CNTNAP2: variants seen among roughly 807,000 people sequenced by gnomAD.
CNTNAP2 encodes the protein contactin associated protein 2.
In CNTNAP2, 98 loss-of-function variants were observed where a neutral mutation model predicts 155.2. That is an observed-to-expected ratio of 0.63 (90% CI 0.54 to 0.75). The LOEUF is 0.75. Among genes scored for constraint, CNTNAP2 ranks in the 30% least tolerant of loss-of-function variants. The pLI, the probability that CNTNAP2 is intolerant of heterozygous loss-of-function variation, is 0.00. For missense variants in CNTNAP2, 1,727 were observed against 1,688.1 expected (o/e 1.02, Z -0.40); for synonymous variants, 651 against 631.2 (o/e 1.03, Z -0.47).
At chr7:146,125,802 G>T (rs1797628197) in intron 1 of CNTNAP2, among the ~76,000 whole-genome samples, 1 of 152,012 alleles carries the variant, frequency 6.6e-6, no homozygotes. Context: ...CAAAGAAGAT[G>T]TTTAGTTTTT....
rs560779634 is a variant in CNTNAP2 at position 146,178,628 on chromosome 7, T to C, written c.97+61655T>C. On this transcript the variant is annotated intron_variant, in intron 1 of 23. Transcript: ENST00000361727. ...TCTGTGTGATTAACATTTTAAAATT[T>C]CCTATTTTTTTAATGCTAACTTTTG... Among the ~76,000 whole-genome samples, 835 of 152,260 alleles carry C rather than the reference T, an allele frequency of 5.5e-3. 10 individuals carry two copies. Among genetic ancestry groups the C allele is most frequent in the African/African-American group, 0.019 (783 of 41,556 alleles).
intron 3 of CNTNAP2, among the ~76,000 whole-genome samples, chr7:146,961,758 A>G (rs569033473): frequency 1.3e-5 from 2 of 152,316 alleles, no homozygotes; most frequent in African/African-American, 2.4e-5. Context: ...GTATGACACA[A>G]GACACAGTCT....
intron 13 of CNTNAP2, among the ~76,000 whole-genome samples, chr7:147,642,783 TG>T (rs920384101): frequency 2.0e-5 from 3 of 152,214 alleles, no homozygotes; most frequent in African/African-American, 7.2e-5. Flanking sequence ...AGATTATTAT[TG>T]TACATAATAA....
intron 1 of CNTNAP2, among the ~76,000 whole-genome samples, chr7:146,297,615 C>A (rs530367002): frequency 6.6e-6 from 1 of 152,082 alleles, no homozygotes; most frequent in Admixed American, 6.6e-5. Flanking sequence ...TTGAAAGTTT[C>A]AGTAAATATG....
chr7:147,634,451 G>A lies in CNTNAP2; in HGVS notation c.1898-4655G>A, dbSNP rs763251160. ...ATATAATGGACTTTGGGGACTTGGCGGGGAAGGGATGGGGTGAGGGATAAA... is the reference window on the plus strand; with the variant it reads ...ATATAATGGACTTTGGGGACTTGGCAGGGAAGGGATGGGGTGAGGGATAAA... On this transcript the variant is annotated intron_variant, in intron 12 of 23. Coordinates refer to ENST00000361727, the MANE Select transcript of CNTNAP2 (RefSeq NM_014141.6). 1.3e-4 allele frequency among the ~76,000 whole-genome samples: 20 copies of A among 152,080 alleles called. 1 individual carries two copies. The highest frequency in any genetic ancestry group is 2.4e-4 in the Non-Finnish European group (16 of 68,010).
chr7:147,736,398 G>A (rs1470156121), intron 13 of CNTNAP2, among the ~76,000 whole-genome samples: 1 of 152,184 alleles, frequency 6.6e-6, no homozygotes, highest in Non-Finnish European at 1.5e-5. Context: ...TCAGCTGTTA[G>A]TCTGATGGGC....
chr7:148,296,568 A>AAAAAAAAAC (rs1797290941), intron 21 of CNTNAP2, among the ~76,000 whole-genome samples: 1 of 146,986 alleles, frequency 6.8e-6, no homozygotes, highest in African/African-American at 2.5e-5. Flanking sequence ...AAAAAAAAAA[A>AAAAAAAAAC]TTATCCCGTG....
intron 1 of CNTNAP2, among the ~76,000 whole-genome samples, chr7:146,669,057 A>C (rs930049535): frequency 6.6e-6 from 1 of 152,186 alleles, no homozygotes; most frequent in African/African-American, 2.4e-5. Flanking sequence ...AATGGATACA[A>C]TAATACTTTC....
intron 8 of CNTNAP2, chr7:147,167,241 T>C: frequency 2.7e-6 from 1 of 372,556 alleles, no homozygotes; most frequent in Non-Finnish European, 4.8e-6. Context: ...CTCCCTTTAA[T>C]ATTAACTGGT....
intron 1 of CNTNAP2, among the ~76,000 whole-genome samples, chr7:146,362,768 T>G: frequency 2.0e-5 from 1 of 50,900 alleles, no homozygotes; most frequent in African/African-American, 1.6e-4. Context: ...ACACAGCACT[T>G]TTTTTTTTTT....
rs192413202 is a variant in CNTNAP2 at position 147,174,587 on chromosome 7, C to A, written c.1348+42078C>A. ...ACTTAGAAACTCTATAAAATATAAT[C>A]CACATAGATTATACATATGCTTATG... On this transcript the variant is annotated intron_variant, in intron 8 of 23. Transcript: ENST00000361727. Among the ~76,000 whole-genome samples the A allele has an allele frequency of 6.7e-3, 1,014 of 152,188 alleles. 6 individuals carry two copies. The highest frequency in any genetic ancestry group is 0.011 in the Non-Finnish European group (750 of 68,012).
At chr7:147,657,108 G>A (rs1254455182) in intron 13 of CNTNAP2, among the ~76,000 whole-genome samples, 1 of 152,076 alleles carries the variant, frequency 6.6e-6, no homozygotes, top group Admixed American at 6.5e-5. Flanking sequence ...TACTATGTGG[G>A]GCAGACTTCT....
At chr7:148,413,284 C>A (rs1251213035) in intron 23 of CNTNAP2, among the ~76,000 whole-genome samples, 1 of 149,754 alleles carries the variant, frequency 6.7e-6, no homozygotes. Context: ...CCCAGCTACT[C>A]GGGAGGCTGA....
At chr7:146,196,540 G>A (rs1490805349) in intron 1 of CNTNAP2, among the ~76,000 whole-genome samples, 2 of 151,408 alleles carry the variant, frequency 1.3e-5, no homozygotes, top group Non-Finnish European at 2.9e-5. Context: ...TATACAGAGA[G>A]TCAGAGGGAA....
At chr7:148,106,509 T>G (rs1211598359) in intron 15 of CNTNAP2, among the ~76,000 whole-genome samples, 4 of 146,328 alleles carry the variant, frequency 2.7e-5, no homozygotes, top group African/African-American at 1.0e-4. Flanking sequence ...TATATATATA[T>G]ATATATATAT....
intron 9 of CNTNAP2, among the ~76,000 whole-genome samples, chr7:147,321,532 A>G (rs1795350704): frequency 6.6e-6 from 1 of 152,146 alleles, no homozygotes; most frequent in Non-Finnish European, 1.5e-5. Flanking sequence ...CTTCTACTTC[A>G]CAGTAGCTTT....
intron 3 of CNTNAP2, among the ~76,000 whole-genome samples, chr7:146,871,460 A>G (rs886708048): frequency 1.3e-5 from 2 of 151,942 alleles, no homozygotes; most frequent in Non-Finnish European, 1.5e-5. Flanking sequence ...AACCCGGGAG[A>G]TGGCGGTTGC....
intron 1 of CNTNAP2, among the ~76,000 whole-genome samples, chr7:146,507,804 AG>A (rs1405362221): frequency 6.6e-6 from 1 of 152,192 alleles, no homozygotes; most frequent in Non-Finnish European, 1.5e-5. Context: ...ATAATGGAAA[AG>A]GTGGACCCCC....
At chr7:146,318,140 CAAA>C (rs56687517) in intron 1 of CNTNAP2, among the ~76,000 whole-genome samples, 3 of 113,102 alleles carry the variant, frequency 2.7e-5, no homozygotes, top group Non-Finnish European at 3.9e-5. Flanking sequence ...GACTCCATCT[CAAA>C]AAAAAAAAAA....
Sources: allele counts gnomAD v4.1 joint callset (sites outside exome capture counted in the v4.1 genomes callset), GRCh38; gene constraint gnomAD v4.1.1; transcripts MANE v1.5; gene names NCBI Gene and HGNC (gene_info 2026-07-23, HGNC 2026-07-21).